NT5DC3: variants seen among roughly 807,000 people sequenced by gnomAD.
The protein encoded by NT5DC3 is 5'-nucleotidase domain containing 3.
In NT5DC3, 42 loss-of-function variants were observed where a neutral mutation model predicts 67.8. The observed-to-expected ratio is 0.62, with a 90% CI of 0.48 to 0.80. NT5DC3 has a LOEUF of 0.80. Among genes scored for constraint, NT5DC3 ranks in the 30% least tolerant of loss-of-function variants. The pLI is 0.00. For missense variants in NT5DC3, 570 were observed against 696.4 expected, an observed-to-expected ratio of 0.82 and a Z score of 2.04; for synonymous variants, 237 against 255.6, an observed-to-expected ratio of 0.93 and a Z score of 0.69.
chr12:103,827,486 G>A (rs1286231752), intron 1 of NT5DC3, among the ~76,000 whole-genome samples: 1 of 152,100 alleles, frequency 6.6e-6, no homozygotes, highest in Non-Finnish European at 1.5e-5. Context: ...CCTTAGCTAA[G>A]GATTAATATT....
chr12:103,821,293 A>C (rs1887480865), intron 1 of NT5DC3, among the ~76,000 whole-genome samples: 1 of 152,230 alleles, frequency 6.6e-6, no homozygotes, highest in Non-Finnish European at 1.5e-5. Flanking sequence ...AGCATAACCT[A>C]GCCTAACCTG....
chr12:103,823,277 C>T (rs886916303), intron 1 of NT5DC3, among the ~76,000 whole-genome samples: 4 of 151,220 alleles, frequency 2.6e-5, no homozygotes, highest in Admixed American at 1.3e-4. Flanking sequence ...CCATGTACCA[C>T]GAGGCTTTCC....
At chr12:103,791,998 C>G (rs745888804) in intron 9 of NT5DC3, among the ~76,000 whole-genome samples, 1 of 152,314 alleles carries the variant, frequency 6.6e-6, no homozygotes, top group South Asian at 2.1e-4. Flanking sequence ...GGATGCACAG[C>G]AGCCCACTCT....
the NT5DC3 span, chr12:103,758,400 C>T: frequency 2.0e-6 from 3 of 1,526,242 alleles, no homozygotes; most frequent in Non-Finnish European, 2.6e-6. Context: ...TTATTTAGCT[C>T]ACAGATCATC....
the NT5DC3 span, chr12:103,758,015 AC>A: frequency 9.1e-7 from 1 of 1,104,818 alleles, no homozygotes; most frequent in Non-Finnish European, 1.3e-6. Context: ...AAACTCTCCC[AC>A]GGCGCAGGCA....
At chr12:103,792,607 C>T (rs1443548490) in intron 9 of NT5DC3, among the ~76,000 whole-genome samples, 1 of 152,192 alleles carries the variant, frequency 6.6e-6, no homozygotes, top group Non-Finnish European at 1.5e-5. Flanking sequence ...CCACTAAATA[C>T]TAACAGCACA....
chr12:103,813,794 T>C (rs1444753510), intron 2 of NT5DC3, among the ~76,000 whole-genome samples: 1 of 152,134 alleles, frequency 6.6e-6, no homozygotes, highest in Non-Finnish European at 1.5e-5. Context: ...ACAATCAACT[T>C]GGGAAAAGTC....
chr12:103,777,771 C>G lies in NT5DC3; in HGVS notation c.*58G>C, dbSNP rs1213282371. 1.2e-5 allele frequency: 18 copies of G among 1,542,416 alleles called. No homozygotes were observed. The highest frequency in any genetic ancestry group is 1.3e-5 in the Non-Finnish European group (15 of 1,145,812). ...AGCAACACTCAGACCCACATGAAGT[C>G]AACCCCATCATGCCTGCCCAATCAG... On this transcript the variant is annotated 3_prime_UTR_variant, in exon 14 of 14. Transcript: ENST00000392876.
intron 4 of NT5DC3, among the ~76,000 whole-genome samples, chr12:103,806,086 A>G (rs1886787099): frequency 6.6e-6 from 1 of 152,078 alleles, no homozygotes; most frequent in Non-Finnish European, 1.5e-5. Flanking sequence ...ACTGCAGTCA[A>G]GTTTACTTAC....
At chr12:103,770,764 T>C (rs992867961), downstream of NT5DC3, 1 of 152,246 alleles carries the variant, frequency 6.6e-6, no homozygotes, top group Non-Finnish European at 1.5e-5. Context: ...TTAAGTGCTA[T>C]GGTCTGAATG....
Position 103,814,920 on chromosome 12 carries a change from T to A in NT5DC3, c.393+17A>T. ...GAAAAGGGGAGGGAGAAGCCTGAAA[T>A]GTCCCTGTGATCTTACCCGGTGTTC... On this transcript the variant is annotated intron_variant, in intron 2 of 13. Coordinates refer to ENST00000392876, the MANE Select transcript of NT5DC3 (RefSeq NM_001031701.3). 1.3e-6 allele frequency: 2 copies of A among 1,580,250 alleles called. No homozygotes were observed. Among genetic ancestry groups the A allele is most frequent in the Non-Finnish European group, 1.7e-6 (2 of 1,160,736 alleles).
chr12:103,763,704 G>A, the NT5DC3 span: 2 of 1,160,390 alleles, frequency 1.7e-6, no homozygotes, highest in Non-Finnish European at 2.5e-6. Flanking sequence ...TACCAAAGAA[G>A]GTTCATTTCT....
chr12:103,758,435 G>A, the NT5DC3 span: 44 of 1,379,192 alleles, frequency 3.2e-5, no homozygotes, highest in Admixed American at 6.2e-4. Flanking sequence ...CCACTCCCTT[G>A]GTCTTGGCAC....
the NT5DC3 span, among the ~76,000 whole-genome samples, chr12:103,756,887 G>T: frequency 1.3e-5 from 2 of 151,752 alleles, no homozygotes; most frequent in Non-Finnish European, 2.9e-5. Flanking sequence ...TTTCTGCTGT[G>T]TGGGAGCCTG....
downstream of NT5DC3, chr12:103,766,643 G>A (rs12311532): frequency 0.012 from 3,808 of 325,368 alleles, 135 homozygotes; most frequent in African/African-American, 0.075. Flanking sequence ...GTAAGCCTCC[G>A]TCTTTGTATC....
chr12:103,823,783 G>A (rs1468757911), intron 1 of NT5DC3, among the ~76,000 whole-genome samples: 1 of 152,152 alleles, frequency 6.6e-6, no homozygotes, highest in Non-Finnish European at 1.5e-5. Flanking sequence ...CTACACTGAG[G>A]CAGTATTTAC....
intron 4 of NT5DC3, among the ~76,000 whole-genome samples, chr12:103,799,462 T>G (rs1171904183): frequency 2.0e-5 from 3 of 152,318 alleles, no homozygotes; most frequent in East Asian, 3.9e-4. Flanking sequence ...TTGGCTCTCA[T>G]ACTCTCTTGC....
intron 1 of NT5DC3, among the ~76,000 whole-genome samples, chr12:103,836,451 T>C (rs1888152372): frequency 6.6e-6 from 1 of 152,158 alleles, no homozygotes; most frequent in African/African-American, 2.4e-5. Flanking sequence ...GCCCCATGCA[T>C]GTCCAAAATC....
chr12:103,794,032 C>T, intron 6 of NT5DC3, 35 bp from the exon 7 acceptor site: 1 of 1,537,890 alleles, frequency 6.5e-7, no homozygotes, highest in Non-Finnish European at 9.0e-7. Flanking sequence ...AGCGAAAATA[C>T]AACTGAGATA....
Sources: gnomAD v4.1 joint callset for allele counts (sites outside exome capture counted in the v4.1 genomes callset) on GRCh38, gnomAD v4.1.1 for gene constraint, MANE v1.5 for transcripts, NCBI Gene and HGNC (gene_info 2026-07-23, HGNC 2026-07-21) for gene names.